CAMTA1: variants seen among roughly 807,000 people sequenced by gnomAD.
CAMTA1 encodes calmodulin-binding transcription activator 1.
In CAMTA1, 27 loss-of-function variants were observed where a neutral mutation model predicts 170.9. That is an observed-to-expected ratio of 0.16 (90% CI 0.12 to 0.22). CAMTA1 has a LOEUF of 0.22. CAMTA1 is among the 10% of genes least tolerant of loss of function. The pLI is 1.00. For synonymous variants in CAMTA1, 833 were observed against 891.5 expected, an observed-to-expected ratio of 0.93 and a Z score of 1.17; for missense variants, 1,619 against 2,217.2, an observed-to-expected ratio of 0.73 and a Z score of 5.42.
chr1:6,943,846 CAAAA>C (rs1198830005), intron 3 of CAMTA1, among the ~76,000 whole-genome samples: 1 of 51,676 alleles, frequency 1.9e-5, no homozygotes, highest in Non-Finnish European at 3.8e-5. Context: ...GACTCTGTCT[CAAAA>C]AAAAAAAAAA....
At chr1:7,336,103 A>G (rs1364526611) in intron 5 of CAMTA1, among the ~76,000 whole-genome samples, 1 of 152,040 alleles carries the variant, frequency 6.6e-6, no homozygotes, top group East Asian at 1.9e-4. Context: ...GGCCGCTCTC[A>G]CCCTCTGCCT....
At chr1:7,154,357 G>A (rs1646747153) in intron 4 of CAMTA1, among the ~76,000 whole-genome samples, 1 of 152,168 alleles carries the variant, frequency 6.6e-6, no homozygotes, top group African/African-American at 2.4e-5. Context: ...GGGTGCATCA[G>A]TGAATGAGCC....
At chr1:6,848,984 A>C (rs989072041) in intron 3 of CAMTA1, among the ~76,000 whole-genome samples, 1 of 152,234 alleles carries the variant, frequency 6.6e-6, no homozygotes, top group African/African-American at 2.4e-5. Context: ...TTCTCATCTC[A>C]GATGATTAGA....
At chr1:6,837,990 T>TA (rs1553160834) in intron 3 of CAMTA1, among the ~76,000 whole-genome samples, 1 of 152,190 alleles carries the variant, frequency 6.6e-6, no homozygotes, top group Admixed American at 6.5e-5. Flanking sequence ...GCTAGACTCT[T>TA]AAGTTCCAGG....
At chr1:7,213,376 T>G (rs1659129902) in intron 4 of CAMTA1, among the ~76,000 whole-genome samples, 1 of 152,250 alleles carries the variant, frequency 6.6e-6, no homozygotes, top group Non-Finnish European at 1.5e-5. Flanking sequence ...GTTGAACACC[T>G]TTGCATGTGT....
At chr1:7,243,783 G>A (rs1422303848) in intron 4 of CAMTA1, among the ~76,000 whole-genome samples, 1 of 152,168 alleles carries the variant, frequency 6.6e-6, no homozygotes, top group Non-Finnish European at 1.5e-5. Flanking sequence ...TTGGTAGCTT[G>A]ATGGGGATGG....
At position 7,216,494 on chromosome 1, in the gene CAMTA1, T is replaced by C. The variant is rs1211141019; in HGVS notation, c.303-32997T>C. On this transcript the variant is annotated intron_variant, in intron 4 of 22. Transcript: ENST00000303635. The surrounding 1 kb of genome is among the most constrained non-coding windows in gnomAD (Gnocchi z 4.0). ...TCATCTATATTTCCTACAGTTTCTT[T>C]CTTTCATTTTCCTTCCTTCCTTCCT... Among the ~76,000 whole-genome samples, 2 of 152,146 alleles carry C rather than the reference T, an allele frequency of 1.3e-5. No homozygotes were observed. Among genetic ancestry groups the C allele is most frequent in the Admixed American group, 6.5e-5 (1 of 15,274 alleles).
intron 6 of CAMTA1, among the ~76,000 whole-genome samples, chr1:7,504,030 G>A (rs976938174): frequency 2.6e-5 from 4 of 152,184 alleles, no homozygotes; most frequent in East Asian, 1.9e-4. Flanking sequence ...GGGGCCTCCC[G>A]GGCAGGAGAG....
Position 7,248,154 on chromosome 1 carries a change from T to A in CAMTA1, c.303-1337T>A, listed in dbSNP as rs552981426. 6.6e-6 allele frequency among the ~76,000 whole-genome samples: 1 copy of A among 152,186 alleles called. No homozygotes were observed. The highest frequency in any genetic ancestry group is 1.5e-5 in the Non-Finnish European group (1 of 68,028). On this transcript the variant is annotated intron_variant, in intron 4 of 22. Transcript: ENST00000303635. This position sits in a 1 kb window ranked among gnomAD's most constrained non-coding sequence, Gnocchi z 4.0. Reference sequence around the variant, plus strand: ...CAGTCACCCTGGTGGGACTGTTTTTTTCCCCCCAGACAATAGAATATGAAG... The same window carrying A: ...CAGTCACCCTGGTGGGACTGTTTTTATCCCCCCAGACAATAGAATATGAAG...
At chr1:7,756,437 G>A (rs1006481336) in intron 22 of CAMTA1, among the ~76,000 whole-genome samples, 1 of 152,192 alleles carries the variant, frequency 6.6e-6, no homozygotes, top group African/African-American at 2.4e-5. Flanking sequence ...TTTAGTTCCT[G>A]AGATTTTAGA....
chr1:7,204,135 G>T (rs1657243500), intron 4 of CAMTA1, among the ~76,000 whole-genome samples: 1 of 151,888 alleles, frequency 6.6e-6, no homozygotes. Flanking sequence ...ACTGTGCCAG[G>T]CCAATTTTCT....
chr1:7,427,427 T>A (rs1435707978), intron 5 of CAMTA1, among the ~76,000 whole-genome samples: 1 of 152,182 alleles, frequency 6.6e-6, no homozygotes, highest in Non-Finnish European at 1.5e-5. Flanking sequence ...CAGACACCAC[T>A]GATTGTCACT....
At chr1:7,413,841 CA>C (rs1337379810) in intron 5 of CAMTA1, among the ~76,000 whole-genome samples, 3 of 152,142 alleles carry the variant, frequency 2.0e-5, no homozygotes, top group Non-Finnish European at 2.9e-5. Flanking sequence ...TGCCAGTTTT[CA>C]AAGGGAATGC....
chr1:7,449,524 CTTTGGAA>C (rs2092762525), intron 5 of CAMTA1, among the ~76,000 whole-genome samples: 1 of 152,094 alleles, frequency 6.6e-6, no homozygotes, highest in African/African-American at 2.4e-5. Flanking sequence ...AATCCCAGCA[CTTTGGAA>C]GGCCAAGGCG....
chr1:7,451,807 C>T (rs1047458219), intron 5 of CAMTA1, among the ~76,000 whole-genome samples: 1 of 152,202 alleles, frequency 6.6e-6, no homozygotes, highest in African/African-American at 2.4e-5. Flanking sequence ...GCCCTCAGCT[C>T]CCCTGGTTTC....
chr1:7,403,066 T>C (rs1168832990), intron 5 of CAMTA1, among the ~76,000 whole-genome samples: 1 of 152,132 alleles, frequency 6.6e-6, no homozygotes, highest in Non-Finnish European at 1.5e-5. Context: ...AAAATGATAT[T>C]AATCACCCAG....
chr1:7,398,221 A>C (rs1243199656), intron 5 of CAMTA1, among the ~76,000 whole-genome samples: 13 of 119,502 alleles, frequency 1.1e-4, no homozygotes, highest in African/African-American at 1.6e-4. Flanking sequence ...ATATATATAT[A>C]TATATATATA....
chr1:6,847,161 G>A lies in CAMTA1; in HGVS notation c.234+21951G>A, dbSNP rs555553317. ...TGGGATTATAGGCTTGTGCCACTGC[G>A]CCTGGCTTATTTTTCTACTTTTTAG... On this transcript the variant is annotated intron_variant, in intron 3 of 22. Coordinates refer to ENST00000303635, the MANE Select transcript of CAMTA1 (RefSeq NM_015215.4). Among the ~76,000 whole-genome samples the A allele has an allele frequency of 1.4e-4, 21 of 151,818 alleles. 1 individual carries two copies. The highest frequency in any genetic ancestry group is 1.0e-3 in the Admixed American group (16 of 15,252).
chr1:7,670,691 T>A (rs2096052780), intron 9 of CAMTA1, among the ~76,000 whole-genome samples: 1 of 152,148 alleles, frequency 6.6e-6, no homozygotes, highest in Non-Finnish European at 1.5e-5. Flanking sequence ...CCTGAGGGGC[T>A]GGGGAAGGAG....
Sources: gnomAD v4.1 joint callset for allele counts (sites outside exome capture counted in the v4.1 genomes callset) on GRCh38, gnomAD v4.1.1 for gene constraint, Gnocchi (gnomAD v3.1) non-coding constraint, MANE v1.5 for transcripts, NCBI Gene and HGNC (gene_info 2026-07-23, HGNC 2026-07-21) for gene names.